The following LDB2 variants were observed in gnomAD, a reference collection of about 807,000 sequenced individuals.
LDB2 encodes LIM domain binding 2.
In LDB2, 12 loss-of-function variants were observed where a neutral mutation model predicts 44.3. That is an observed-to-expected ratio of 0.27 (90% CI 0.17 to 0.44). LDB2 has a LOEUF of 0.44. Among genes scored for constraint, LDB2 ranks in the 20% least tolerant of loss-of-function variants. The pLI is 1.00. For missense variants in LDB2, 344 were observed against 473.5 expected, an observed-to-expected ratio of 0.73 and a Z score of 2.54; for synonymous variants, 164 against 174.8, an observed-to-expected ratio of 0.94 and a Z score of 0.49.
chr4:16,595,638 A>G (rs1228686586), intron 3 of LDB2, 65 bp downstream of exon 3: 5 of 1,456,498 alleles, frequency 3.4e-6, no homozygotes, highest in Non-Finnish European at 4.7e-6. Flanking sequence ...GGAAAACCAT[A>G]ATTATTATTC....
At chr4:16,672,851 C>CCTTCCTTT (rs1745232737) in intron 2 of LDB2, among the ~76,000 whole-genome samples, 1 of 151,444 alleles carries the variant, frequency 6.6e-6, no homozygotes, top group Admixed American at 6.6e-5. Flanking sequence ...TTCCTTCCTT[C>CCTTCCTTT]CTTTCCTCCC....
intron 2 of LDB2, among the ~76,000 whole-genome samples, chr4:16,614,488 C>A (rs995803854): frequency 1.4e-5 from 2 of 145,472 alleles, no homozygotes; most frequent in Non-Finnish European, 3.0e-5. Context: ...AGGCAACCTA[C>A]AAAATGGGAG....
At chr4:16,551,275 G>C (rs1194909062) in intron 5 of LDB2, among the ~76,000 whole-genome samples, 1 of 152,112 alleles carries the variant, frequency 6.6e-6, no homozygotes, top group Non-Finnish European at 1.5e-5. Context: ...TTGTATTATG[G>C]ATACATTATT....
At chr4:16,726,743 G>A (rs1214191251) in intron 2 of LDB2, among the ~76,000 whole-genome samples, 1 of 152,164 alleles carries the variant, frequency 6.6e-6, no homozygotes, top group African/African-American at 2.4e-5. Context: ...CCAATAACAT[G>A]TTTTCAATGG....
intron 2 of LDB2, among the ~76,000 whole-genome samples, chr4:16,620,540 C>T (rs780769817): frequency 8.5e-5 from 13 of 152,140 alleles, no homozygotes; most frequent in Non-Finnish European, 1.5e-4. Context: ...TCTCTGTGGA[C>T]GAATTCCCAT....
At chr4:16,729,586 T>C (rs1760297224) in intron 2 of LDB2, among the ~76,000 whole-genome samples, 1 of 152,216 alleles carries the variant, frequency 6.6e-6, no homozygotes, top group Non-Finnish European at 1.5e-5. Context: ...ATCCCCCATC[T>C]TTGTTTAAGC....
At chr4:16,870,691 C>A (rs373260696) in intron 1 of LDB2, among the ~76,000 whole-genome samples, 2 of 151,874 alleles carry the variant, frequency 1.3e-5, no homozygotes. Context: ...TGGAGTGCAG[C>A]GGTGCAATCT....
chr4:16,518,447 G>A (rs887170095), intron 5 of LDB2, among the ~76,000 whole-genome samples: 21 of 151,652 alleles, frequency 1.4e-4, no homozygotes, highest in Admixed American at 1.3e-3. Context: ...CTTCAGAGTT[G>A]CTAGGTCAAC....
chr4:16,604,948 G>C (rs1723527667), intron 2 of LDB2, among the ~76,000 whole-genome samples: 1 of 152,204 alleles, frequency 6.6e-6, no homozygotes. Context: ...AGTGAAAGCA[G>C]CGCTCTATTT....
chr4:16,827,711 G>C (rs1421182611), intron 1 of LDB2, among the ~76,000 whole-genome samples: 1 of 152,142 alleles, frequency 6.6e-6, no homozygotes, highest in Non-Finnish European at 1.5e-5. Flanking sequence ...AGATCAACAT[G>C]ATCTTGCTTT....
chr4:16,662,070 C>A lies in LDB2; in HGVS notation c.236-66195G>T, dbSNP rs553172258. Among the ~76,000 whole-genome samples the A allele has an allele frequency of 9.2e-5, 14 of 152,266 alleles. No homozygotes were observed. In the South Asian group the frequency reaches 2.7e-3, roughly 29 times the overall value. ...GCACAGGTGAAGGAAAAGAGGGCAA[C>A]TGATTGCCAGAAAACTCAGCATTAA... On this transcript the variant is annotated intron_variant, in intron 2 of 7. Coordinates refer to ENST00000304523, the MANE Select transcript of LDB2 (RefSeq NM_001290.5).
chr4:16,889,883 G>A lies in LDB2; in HGVS notation c.132+8471C>T, dbSNP rs779455667. Among the ~76,000 whole-genome samples the A allele has an allele frequency of 2.0e-5, 3 of 152,168 alleles. No individual in the cohort carries two copies. In the East Asian group the frequency reaches 5.8e-4, roughly 29 times the overall value. On this transcript the variant is annotated intron_variant, in intron 1 of 7. Transcript: ENST00000304523. ...GGTTAATTTTAATTGTTTGAGGAAG[G>A]GCTCTCTAGGAAGAGAACATTTAAG...
chr4:16,618,651 G>A (rs1475096678), intron 2 of LDB2, among the ~76,000 whole-genome samples: 3 of 152,246 alleles, frequency 2.0e-5, no homozygotes, highest in Admixed American at 6.5e-5. Flanking sequence ...AGGACAGTGC[G>A]GCCGATTCAG....
intron 1 of LDB2, among the ~76,000 whole-genome samples, chr4:16,889,569 C>A (rs534803143): frequency 6.6e-6 from 1 of 152,304 alleles, no homozygotes; most frequent in African/African-American, 2.4e-5. Flanking sequence ...TCTTCTCCTA[C>A]TGGAACTGTA....
intron 2 of LDB2, among the ~76,000 whole-genome samples, chr4:16,687,003 T>C (rs914822511): frequency 6.6e-6 from 1 of 152,254 alleles, no homozygotes; most frequent in Middle Eastern, 3.4e-3. Flanking sequence ...TTCATCCTAA[T>C]GTTTCAGAAA....
intron 5 of LDB2, among the ~76,000 whole-genome samples, chr4:16,549,031 C>T (rs780704695): frequency 7.2e-5 from 11 of 152,192 alleles, no homozygotes; most frequent in East Asian, 1.9e-4. Flanking sequence ...AGATTTTATG[C>T]GTTCTGAAAC....
At chr4:16,518,007 G>A (rs1035201803) in intron 5 of LDB2, among the ~76,000 whole-genome samples, 1 of 152,166 alleles carries the variant, frequency 6.6e-6, no homozygotes, top group South Asian at 2.1e-4. Context: ...TGTGTGCTCT[G>A]AAGTGATGAA....
At chr4:16,678,173 G>A (rs1195340615) in intron 2 of LDB2, among the ~76,000 whole-genome samples, 1 of 152,170 alleles carries the variant, frequency 6.6e-6, no homozygotes, top group Non-Finnish European at 1.5e-5. Context: ...GCAGTGGGAG[G>A]CATAGCAAGC....
chr4:16,844,248 C>CAAAAA (rs34034796), intron 1 of LDB2, among the ~76,000 whole-genome samples: 2 of 30,060 alleles, frequency 6.7e-5, no homozygotes, highest in African/African-American at 2.6e-4. Flanking sequence ...ACCCTGTCTC[C>CAAAAA]AAAAAAAAAA....
Sources: gnomAD v4.1 joint callset for allele counts (sites outside exome capture counted in the v4.1 genomes callset) on GRCh38, gnomAD v4.1.1 for gene constraint, MANE v1.5 for transcripts, NCBI Gene and HGNC (gene_info 2026-07-23, HGNC 2026-07-21) for gene names.